The following ELOVL6 variants were observed in gnomAD, a reference collection of about 807,000 sequenced individuals.
ELOVL6 encodes very long chain fatty acid elongase 6.
Under a neutral mutation model 31.7 loss-of-function variants are expected in ELOVL6, and 8 were observed. The observed-to-expected ratio is 0.25, with a 90% CI of 0.15 to 0.45. The LOEUF (loss-of-function observed/expected upper bound fraction) is 0.45, where lower values mean the gene tolerates loss of function less well. Ranked by LOEUF, ELOVL6 falls within the 20% of genes least tolerant of loss-of-function variation. The probability of loss-of-function intolerance (pLI) is 1.00; values close to 1 mark genes in which losing one functional copy is unlikely to be tolerated. For missense variants in ELOVL6, 126 were observed against 326.4 expected, an observed-to-expected ratio of 0.39 and a Z score of 4.73; for synonymous variants, 101 against 117.7, an observed-to-expected ratio of 0.86 and a Z score of 0.92.
At chr4:110,119,140 A>C (rs187056257) in intron 1 of ELOVL6, among the ~76,000 whole-genome samples, 5 of 152,274 alleles carry the variant, frequency 3.3e-5, no homozygotes, top group Admixed American at 3.3e-4. Flanking sequence ...GTAATAAAAT[A>C]GGTGGTATTG....
intron 1 of ELOVL6, among the ~76,000 whole-genome samples, chr4:110,140,901 C>T (rs1235818984): frequency 6.6e-6 from 1 of 151,978 alleles, no homozygotes; most frequent in Non-Finnish European, 1.5e-5. Context: ...ATACCCAAGA[C>T]TGGGCAATTT....
chr4:110,198,025 A>G (rs550688468), intron 1 of ELOVL6: 20 of 604,804 alleles, frequency 3.3e-5, no homozygotes, highest in Non-Finnish European at 4.1e-5. Flanking sequence ...AAAGATGCCT[A>G]TGTAGCCGCG....
chr4:110,126,721 G>C (rs1186689585), intron 1 of ELOVL6, among the ~76,000 whole-genome samples: 1 of 152,108 alleles, frequency 6.6e-6, no homozygotes, highest in Non-Finnish European at 1.5e-5. Context: ...CCTCCTCCCA[G>C]ACTTTCTGAA....
chr4:110,058,102 AC>A (rs1190526167), intron 3 of ELOVL6, among the ~76,000 whole-genome samples: 1 of 151,922 alleles, frequency 6.6e-6, no homozygotes, highest in Admixed American at 6.6e-5. Flanking sequence ...TGGTACCAAT[AC>A]CTCCTGGGGC....
chr4:110,178,241 T>C (rs994243630), intron 1 of ELOVL6, among the ~76,000 whole-genome samples: 2 of 137,806 alleles, frequency 1.5e-5, no homozygotes, highest in African/African-American at 5.8e-5. Flanking sequence ...AAAACTATGA[T>C]AATATTTTTG....
chr4:110,145,024 T>C (rs1758068024), intron 1 of ELOVL6, among the ~76,000 whole-genome samples: 1 of 152,006 alleles, frequency 6.6e-6, no homozygotes, highest in African/African-American at 2.4e-5. Flanking sequence ...AAGGCTGGTA[T>C]CCAGCAGGAT....
intron 1 of ELOVL6, among the ~76,000 whole-genome samples, chr4:110,121,628 G>A (rs1179962474): frequency 6.6e-6 from 1 of 152,152 alleles, no homozygotes; most frequent in African/African-American, 2.4e-5. Context: ...GAACCCAGGA[G>A]GCGGAGGTTG....
intron 2 of ELOVL6, among the ~76,000 whole-genome samples, chr4:110,091,344 G>T (rs1163987611): frequency 6.6e-6 from 1 of 152,128 alleles, no homozygotes; most frequent in Admixed American, 6.5e-5. Context: ...CTAGAGGTAG[G>T]CTGTCTGTTC....
intron 2 of ELOVL6, among the ~76,000 whole-genome samples, chr4:110,081,335 T>C (rs904004246): frequency 3.3e-5 from 5 of 152,046 alleles, no homozygotes; most frequent in African/African-American, 1.2e-4. Flanking sequence ...CTACCTAACT[T>C]CAAACTATAC....
chr4:110,134,436 T>C (rs920638198), intron 1 of ELOVL6, among the ~76,000 whole-genome samples: 2 of 152,118 alleles, frequency 1.3e-5, no homozygotes, highest in African/African-American at 4.8e-5. Context: ...AAGAATGTGA[T>C]CAGTCATGAG....
In ELOVL6 at chr4:110,162,669, CTG is replaced by C. The variant is rs1395782375; in HGVS notation, c.89+35576_89+35577del. ...CTGAATATATAGATATTTTGGATGACTGTTTTCCCCAGAAAATTAAAGTTGCC... is the reference window on the plus strand; with the variant it reads ...CTGAATATATAGATATTTTGGATGACTTTTCCCCAGAAAATTAAAGTTGCC... On this transcript the variant is annotated intron_variant, in intron 1 of 3. Transcript: ENST00000302274. Among the ~76,000 whole-genome samples, 6 of 152,236 alleles carry C rather than the reference CTG, an allele frequency of 3.9e-5. No homozygotes were observed. In the South Asian group the frequency reaches 1.2e-3, roughly 32 times the overall value.
At chr4:110,151,605 T>C (rs1254216461) in intron 1 of ELOVL6, among the ~76,000 whole-genome samples, 2 of 152,204 alleles carry the variant, frequency 1.3e-5, no homozygotes, top group African/African-American at 4.8e-5. Flanking sequence ...CTTCTATATA[T>C]GTAATTATTT....
chr4:110,103,577 T>A (rs891886160), intron 2 of ELOVL6, among the ~76,000 whole-genome samples: 1 of 152,220 alleles, frequency 6.6e-6, no homozygotes, highest in Non-Finnish European at 1.5e-5. Flanking sequence ...TTTCTTCTTA[T>A]AGAAAGCCTC....
intron 1 of ELOVL6, among the ~76,000 whole-genome samples, chr4:110,166,547 G>A (rs1465666748): frequency 6.6e-6 from 1 of 152,052 alleles, no homozygotes; most frequent in Non-Finnish European, 1.5e-5. Flanking sequence ...CGGGAGGAGG[G>A]GTTGTAAATG....
chr4:110,122,413 A>G (rs1030045141), intron 1 of ELOVL6, among the ~76,000 whole-genome samples: 2 of 152,156 alleles, frequency 1.3e-5, no homozygotes, highest in Non-Finnish European at 2.9e-5. Context: ...GTTTTGAAAC[A>G]CAGTCTGGCT....
chr4:110,189,462 CTGTAA>C (rs1327117592), intron 1 of ELOVL6, among the ~76,000 whole-genome samples: 1 of 151,532 alleles, frequency 6.6e-6, no homozygotes. Context: ...TGGCAGGTGC[CTGTAA>C]TCCCAGCTAC....
intron 1 of ELOVL6, among the ~76,000 whole-genome samples, chr4:110,174,292 T>TAC (rs1301770407): frequency 2.6e-5 from 4 of 151,724 alleles, no homozygotes; most frequent in Non-Finnish European, 4.4e-5. Flanking sequence ...GCCTCCTGAG[T>TAC]ACCTGAGATT....
chr4:110,125,835 A>G (rs1448831651), intron 1 of ELOVL6, among the ~76,000 whole-genome samples: 1 of 151,948 alleles, frequency 6.6e-6, no homozygotes, highest in Non-Finnish European at 1.5e-5. Context: ...TCAAAAAAAA[A>G]AAAATAGAGA....
intron 2 of ELOVL6, among the ~76,000 whole-genome samples, chr4:110,098,311 A>G (rs1294861675): frequency 6.6e-6 from 1 of 152,206 alleles, no homozygotes; most frequent in Non-Finnish European, 1.5e-5. Context: ...GTTTTGATAT[A>G]AACTTGCTTT....
Sources: gnomAD v4.1 joint callset for allele counts (sites outside exome capture counted in the v4.1 genomes callset) on GRCh38, gnomAD v4.1.1 for gene constraint, MANE v1.5 for transcripts, NCBI Gene and HGNC (gene_info 2026-07-23, HGNC 2026-07-21) for gene names.